Variants in IFT88 observed in about 807,000 individuals in gnomAD.
IFT88 encodes intraflagellar transport 88.
A neutral mutation model predicts 119.5 loss-of-function variants in IFT88; 74 were observed. The observed-to-expected ratio is 0.62, with a 90% CI of 0.51 to 0.75. IFT88 has a LOEUF of 0.75. Ranked by LOEUF, IFT88 falls within the 30% of genes least tolerant of loss-of-function variation. The pLI, the probability that IFT88 is intolerant of heterozygous loss-of-function variation, is 0.00. For synonymous variants in IFT88, 279 were observed against 316.7 expected (o/e 0.88, Z 1.26); for missense variants, 961 against 977.7 (o/e 0.98, Z 0.23).
chr13:20,632,341 A>G (rs2048327102), intron 16 of IFT88, among the ~76,000 whole-genome samples: 1 of 152,140 alleles, frequency 6.6e-6, no homozygotes, highest in Non-Finnish European at 1.5e-5. Context: ...AGCTTTCCTT[A>G]GGAATAACTG....
intron 24 of IFT88, among the ~76,000 whole-genome samples, chr13:20,675,226 A>G (rs1174822329): frequency 6.6e-6 from 1 of 152,008 alleles, no homozygotes; most frequent in Non-Finnish European, 1.5e-5. Context: ...TACAGAAGGA[A>G]TTGCTGGACA....
chr13:20,602,027 G>A lies in IFT88; in HGVS notation c.1041+94G>A, dbSNP rs558629740. The A allele has an allele frequency of 5.8e-6, 4 of 691,354 alleles. No homozygotes were observed. In the East Asian group the frequency reaches 8.1e-5, roughly 14 times the overall value. The allele number at this position is 691,354 out of a possible 1,614,324, so 42.8% of individuals were successfully genotyped here. On this transcript the variant is annotated intron_variant, in intron 12 of 25. Coordinates refer to ENST00000351808, the MANE Select transcript of IFT88 (RefSeq NM_006531.5). ...AAAGCCAGAATAGATGACTTCTTGG[G>A]TTTTTCCCAGGCCTGTATCAATGTG...
chr13:20,627,583 T>C (rs911837998), intron 15 of IFT88, among the ~76,000 whole-genome samples: 1 of 151,030 alleles, frequency 6.6e-6, no homozygotes, highest in Non-Finnish European at 1.5e-5. Context: ...ATACAAAAAT[T>C]AGCCGGGCGT....
chr13:20,606,681 C>A (rs373822528), intron 13 of IFT88, among the ~76,000 whole-genome samples: 1 of 152,148 alleles, frequency 6.6e-6, no homozygotes, highest in East Asian at 1.9e-4. Flanking sequence ...AAGTTCGAGA[C>A]CAGCCTGACC....
intron 15 of IFT88, among the ~76,000 whole-genome samples, chr13:20,626,914 G>A (rs2047428919): frequency 6.6e-6 from 1 of 152,166 alleles, no homozygotes; most frequent in Admixed American, 6.5e-5. Flanking sequence ...GAAAGCTATA[G>A]CATCTTTCCC....
intron 13 of IFT88, among the ~76,000 whole-genome samples, chr13:20,613,563 A>T (rs2045017905): frequency 6.6e-6 from 1 of 152,152 alleles, no homozygotes; most frequent in Admixed American, 6.5e-5. Flanking sequence ...TAACCCAGCA[A>T]TTTTACGTCT....
chr13:20,633,060 T>C (rs1205564078), intron 16 of IFT88, among the ~76,000 whole-genome samples: 1 of 152,186 alleles, frequency 6.6e-6, no homozygotes, highest in East Asian at 1.9e-4. Flanking sequence ...GTTGCATGTC[T>C]AGAGGAGGGT....
At chr13:20,576,011 CCA>C (rs2037313077) in intron 2 of IFT88, among the ~76,000 whole-genome samples, 1 of 152,188 alleles carries the variant, frequency 6.6e-6, no homozygotes, top group South Asian at 2.1e-4. Context: ...TCCCTTTTCT[CCA>C]CATTCTCACC....
At chr13:20,611,045 T>C (rs2139475266) in intron 13 of IFT88, among the ~76,000 whole-genome samples, 1 of 151,918 alleles carries the variant, frequency 6.6e-6, no homozygotes, top group East Asian at 1.9e-4. Context: ...TGAGCCGTGA[T>C]CATGCCACTG....
chr13:20,595,950 G>A (rs1447402030), intron 7 of IFT88, among the ~76,000 whole-genome samples, 200 bp from the exon 8 acceptor site: 1 of 152,096 alleles, frequency 6.6e-6, no homozygotes, highest in Non-Finnish European at 1.5e-5. Flanking sequence ...GAGAGGCTGA[G>A]GTGGGAGGAG....
At chr13:20,633,337 G>T (rs1008482170) in intron 16 of IFT88, among the ~76,000 whole-genome samples, 8 of 152,022 alleles carry the variant, frequency 5.3e-5, no homozygotes, top group Admixed American at 2.6e-4. Flanking sequence ...AAGAGAGAGG[G>T]TGGGCCTTTG....
chr13:20,606,082 G>A (rs752188013), intron 13 of IFT88, among the ~76,000 whole-genome samples: 4 of 152,110 alleles, frequency 2.6e-5, no homozygotes, highest in African/African-American at 4.8e-5. Flanking sequence ...TTCTCCCTTC[G>A]CTGGAGATTG....
intron 22 of IFT88, 36 bp downstream of exon 22, chr13:20,656,466 A>C (rs762439316): frequency 7.0e-6 from 7 of 996,562 alleles, no homozygotes; most frequent in Non-Finnish European, 1.0e-5. Flanking sequence ...TTGAAGTGAT[A>C]AGTTCTCATA....
At chr13:20,611,523 A>G (rs2044526160) in intron 13 of IFT88, among the ~76,000 whole-genome samples, 1 of 146,574 alleles carries the variant, frequency 6.8e-6, no homozygotes, top group South Asian at 2.1e-4. Context: ...TCAAAAAAAA[A>G]AAAAAAAAAA....
chr13:20,607,869 A>G, intron 13 of IFT88: 1 of 715,172 alleles, frequency 1.4e-6, no homozygotes, highest in Non-Finnish European at 2.7e-6. Context: ...TGCCCAACCC[A>G]GTCACCAGCA....
intron 25 of IFT88, 114 bp from the exon 26 acceptor site, chr13:20,690,940 G>T: frequency 7.1e-7 from 1 of 1,413,916 alleles, no homozygotes; most frequent in Non-Finnish European, 9.9e-7. Flanking sequence ...AAAATGACTT[G>T]GGAGACCATT....
chr13:20,679,712 A>G (rs1397375463), intron 24 of IFT88, among the ~76,000 whole-genome samples: 1 of 152,212 alleles, frequency 6.6e-6, no homozygotes, highest in African/African-American at 2.4e-5. Context: ...GTTGTGAGCC[A>G]ATTCTAACAT....
intron 13 of IFT88, 73 bp from the exon 14 acceptor site, chr13:20,615,720 A>C: frequency 1.3e-6 from 1 of 761,398 alleles, no homozygotes; most frequent in African/African-American, 1.8e-5. Context: ...TAATGTTTAC[A>C]CTTAAATTTT....
chr13:20,599,888 C>G (rs1429724836), intron 11 of IFT88, among the ~76,000 whole-genome samples: 3 of 151,688 alleles, frequency 2.0e-5, no homozygotes, highest in African/African-American at 7.2e-5. Flanking sequence ...CATATCAATA[C>G]AAGGCTAGAA....
Sources: gnomAD v4.1 joint callset for allele counts (sites outside exome capture counted in the v4.1 genomes callset) on GRCh38, gnomAD v4.1.1 for gene constraint, MANE v1.5 for transcripts, NCBI Gene and HGNC (gene_info 2026-07-23, HGNC 2026-07-21) for gene names.